The following CENPE variants were observed in gnomAD, a reference collection of about 807,000 sequenced individuals.
CENPE encodes centromere-associated protein E.
CENPE carries 145 observed loss-of-function variants against 336.1 expected under a neutral mutation model. That is an observed-to-expected ratio of 0.43 (90% CI 0.38 to 0.50). The LOEUF is 0.50. CENPE is among the 20% of genes least tolerant of loss of function. The pLI is 0.00. For missense variants in CENPE, 2,719 were observed against 3,023.3 expected, an observed-to-expected ratio of 0.90 and a Z score of 2.36; for synonymous variants, 1,013 against 984.8, an observed-to-expected ratio of 1.03 and a Z score of -0.54.
At chr4:103,186,619 G>A (rs1756791219) in intron 8 of CENPE, among the ~76,000 whole-genome samples, 1 of 152,116 alleles carries the variant, frequency 6.6e-6, no homozygotes. Context: ...CAGGTGCTAG[G>A]GCTACAAATA....
chr4:103,138,239 A>G, intron 39 of CENPE, 112 bp downstream of exon 39: 2 of 735,856 alleles, frequency 2.7e-6, no homozygotes, highest in Admixed American at 2.1e-5. Context: ...GTTTAGAAAA[A>G]TACTGAGCAC....
chr4:103,150,038 G>A (rs949246587), intron 26 of CENPE, among the ~76,000 whole-genome samples: 2 of 152,186 alleles, frequency 1.3e-5, no homozygotes, highest in African/African-American at 2.4e-5. Context: ...AAAAAGCAAA[G>A]AGACTAATTA....
At chr4:103,182,954 G>T in intron 10 of CENPE, 63 bp from the exon 11 acceptor site, 1 of 1,509,442 alleles carries the variant, frequency 6.6e-7, no homozygotes, top group Non-Finnish European at 9.0e-7. Context: ...AAAGTAGTTG[G>T]TTTTTAATGC....
At chr4:103,122,543 C>G in intron 43 of CENPE, among the ~76,000 whole-genome samples, 1 of 152,118 alleles carries the variant, frequency 6.6e-6, no homozygotes, top group East Asian at 1.9e-4. Flanking sequence ...TGCATACGGA[C>G]ATAGATCACA....
Position 103,158,309 on chromosome 4 carries a change from A to C in CENPE, c.3024T>G (p.Phe1008Leu). ...AATAAACACCCTTTACCTTTTGCTG[A>C]AATTCATCTTTAGTTTCTCCTGTAT... ...EENTGETKDEFQQKMVGIDKK... is the reference protein window; with the variant it reads ...EENTGETKDELQQKMVGIDKK... Residue 1008 changes from phenylalanine (F) to leucine (L), a missense_variant, in exon 24 of 49, where the codon TTT (phenylalanine) becomes TTG (leucine). Physicochemically the swap from Phe to Leu is conservative, Grantham distance 22. Transcript: ENST00000265148. 1 of 1,604,004 alleles carries C rather than the reference A, an allele frequency of 6.2e-7. No individual in the cohort carries two copies. Among genetic ancestry groups the C allele is most frequent in the Non-Finnish European group, 8.5e-7 (1 of 1,176,504 alleles).
Position 103,153,184 on chromosome 4 carries a change from T to G in CENPE, c.3100A>C (p.Lys1034Gln), listed in dbSNP as rs1390238662. 6.2e-7 allele frequency: 1 copy of G among 1,613,098 alleles called. No individual in the cohort carries two copies. Among genetic ancestry groups the G allele is most frequent in the Admixed American group, 1.7e-5 (1 of 59,916 alleles). ...TGTTGCTCAATTATCTCATTATCCT[T>G]AACATCTGCAGTTAGTGTTTGGGTA... ...KNTQTLTADV[K>Q]DNEIIEQQRK... Residue 1034 changes from lysine to glutamine, a missense_variant, in exon 25 of 49, where the codon AAG (lysine) becomes CAG (glutamine). Coordinates refer to ENST00000265148, the MANE Select transcript of CENPE (RefSeq NM_001813.3).
At position 103,161,127 on chromosome 4, in the gene CENPE, A is replaced by T; in HGVS notation, c.2090T>A (p.Ile697Lys). The T allele has an allele frequency of 4.4e-6, 7 of 1,607,660 alleles. No homozygotes were observed. Among genetic ancestry groups the T allele is most frequent in the Non-Finnish European group, 5.9e-6 (7 of 1,177,786 alleles). ...EKELQSAFNE[I>K]TKLTSLIDGK... ...ATCTATAAGGGAGGTGAGTTTTGTT[A>T]TCTCATTAAAAGCAGATTGTAATTC... The change falls in exon 20 of 49, where the codon ATA (isoleucine) becomes AAA (lysine). Residue 697 changes from isoleucine to lysine, a missense_variant. By Grantham distance (102) the Ile-to-Lys change is moderately radical. Coordinates refer to ENST00000265148, the MANE Select transcript of CENPE (RefSeq NM_001813.3).
rs1312989494 is a variant in CENPE at position 103,182,889 on chromosome 4, C to A, written c.836G>T (p.Gly279Val). Residue 279 changes from glycine to valine, a missense_variant and splice_region_variant, in exon 11 of 49, where the codon GGT becomes GTT. By Grantham distance (109) the Gly-to-Val change is moderately radical (BLOSUM62 -3). This residue lies in a region of CENPE where 117 missense variants were observed against 215.8 expected (regional missense o/e 0.54). Transcript: ENST00000265148. ...IKKLSDGQVG[G>V]FINYRDSKLT... Reference sequence around the variant, plus strand: ...CTTGCTATCTCGATAATTTATGAAACCACTTAGCAAGGAATAAGTTTACAG... The same window carrying A: ...CTTGCTATCTCGATAATTTATGAAAACACTTAGCAAGGAATAAGTTTACAG... The A allele has an allele frequency of 1.2e-6, 2 of 1,611,290 alleles. No individual in the cohort carries two copies. Among genetic ancestry groups the A allele is most frequent in the South Asian group, 1.1e-5 (1 of 90,806 alleles).
At chr4:103,108,200 T>C (rs1041350028) in intron 48 of CENPE, among the ~76,000 whole-genome samples, 14 of 152,250 alleles carry the variant, frequency 9.2e-5, no homozygotes, top group South Asian at 6.2e-4. Context: ...CAAATACTTA[T>C]TATATTTCTC....
rs979173613 is a variant in CENPE at position 103,141,640 on chromosome 4, G to A, written c.5463+110C>T. On this transcript the variant is annotated intron_variant, in intron 35 of 48. Coordinates refer to ENST00000265148, the MANE Select transcript of CENPE (RefSeq NM_001813.3). The stretch of plus-strand genomic sequence containing the variant: ...CTCAGGCAGGCTACATCCAGCATTA[G>A]TAAATACTGCCAAGGTGTTTTCCAG... 1.5e-4 allele frequency: 110 copies of A among 713,074 alleles called. 2 individuals carry two copies. In the South Asian group the frequency reaches 2.2e-3, roughly 14 times the overall value. The allele number at this position is 713,074 out of a possible 1,614,324, so 44.2% of individuals were successfully genotyped here. A position where few individuals can be genotyped will look rare whatever the true frequency, so the allele number is the denominator to read the frequency against.
intron 16 of CENPE, 99 bp from the exon 17 acceptor site, chr4:103,163,652 C>T (rs2125982648): frequency 1.9e-6 from 1 of 537,708 alleles, no homozygotes; most frequent in East Asian, 3.3e-5. Context: ...GGCACTGGTT[C>T]ACTGCTTCAG....
chr4:103,133,994 AC>A, intron 40 of CENPE, 102 bp from the exon 41 acceptor site: 1 of 729,366 alleles, frequency 1.4e-6, no homozygotes, highest in Non-Finnish European at 2.3e-6. Context: ...TCTCTTATTT[AC>A]CTATATCCTC....
At chr4:103,196,447 T>G (rs1363409862) in intron 2 of CENPE, among the ~76,000 whole-genome samples, 195 bp from the exon 3 acceptor site, 1 of 152,204 alleles carries the variant, frequency 6.6e-6, no homozygotes, top group Non-Finnish European at 1.5e-5. Flanking sequence ...TGAGTTCATT[T>G]TCACACACAA....
chr4:103,187,767 C>T (rs900559255), intron 8 of CENPE, among the ~76,000 whole-genome samples: 3 of 152,164 alleles, frequency 2.0e-5, no homozygotes, highest in Non-Finnish European at 2.9e-5. Context: ...CAGCTAACAT[C>T]ATAATGACAG....
intron 13 of CENPE, 58 bp downstream of exon 13, chr4:103,180,253 A>G (rs1756215971): frequency 1.4e-6 from 2 of 1,480,214 alleles, no homozygotes; most frequent in South Asian, 1.3e-5. Context: ...ATAAACATAT[A>G]GAAATACCAA....
intron 16 of CENPE, among the ~76,000 whole-genome samples, chr4:103,166,939 A>T (rs2125988784): frequency 6.6e-6 from 1 of 152,296 alleles, no homozygotes; most frequent in Admixed American, 6.5e-5. Flanking sequence ...CTGAGTCCCT[A>T]AAGTCTGATG....
chr4:103,186,404 T>C (rs765643191), intron 8 of CENPE, among the ~76,000 whole-genome samples: 46 of 152,254 alleles, frequency 3.0e-4, no homozygotes, highest in Admixed American at 9.8e-4. Context: ...TTGAACTGCA[T>C]AACCAGAAAT....
At chr4:103,169,241 C>A (rs1327223592) in intron 16 of CENPE, among the ~76,000 whole-genome samples, 6 of 142,406 alleles carry the variant, frequency 4.2e-5, no homozygotes, top group African/African-American at 7.6e-5. Context: ...AATATAGAGT[C>A]AGGAGGCAAA....
In CENPE at chr4:103,153,092, T is replaced by C; in HGVS notation, c.3192A>G (p.Ala1064=). 1 of 1,613,138 alleles carries C rather than the reference T, an allele frequency of 6.2e-7. No individual in the cohort carries two copies. Among genetic ancestry groups the C allele is most frequent in the Non-Finnish European group, 8.5e-7 (1 of 1,179,534 alleles). ...ELQQMLESVI[A]EKEQLKTDLK... Reference sequence around the variant, plus strand: ...GGTCAGTCTTCAATTGTTCCTTTTCTGCTATAACACTCTCTAACATTTGTT... The same window carrying C: ...GGTCAGTCTTCAATTGTTCCTTTTCCGCTATAACACTCTCTAACATTTGTT... Residue 1064 remains alanine (A), a synonymous_variant, in exon 25 of 49, where the codon GCA becomes GCG. Coordinates refer to ENST00000265148, the MANE Select transcript of CENPE (RefSeq NM_001813.3).
Sources: allele counts gnomAD v4.1 joint callset (sites outside exome capture counted in the v4.1 genomes callset), GRCh38; gene constraint gnomAD v4.1.1; regional missense constraint gnomAD v4.1.1; transcripts MANE v1.5; gene names NCBI Gene and HGNC (gene_info 2026-07-23, HGNC 2026-07-21).